The following VPS45 variants were observed in gnomAD, a reference collection of about 807,000 sequenced individuals.
The protein encoded by VPS45 is vacuolar protein sorting 45 homolog, also known as vacuolar protein sorting-associated protein 45.
A neutral mutation model predicts 75.9 loss-of-function variants in VPS45; 35 were observed. The observed-to-expected ratio is 0.46, with a 90% CI of 0.35 to 0.61. VPS45 has a LOEUF of 0.61. Among genes scored for constraint, VPS45 ranks in the 20% least tolerant of loss-of-function variants. The pLI, the probability that VPS45 is intolerant of heterozygous loss-of-function variation, is 0.00. For missense variants in VPS45, 559 were observed against 685.9 expected (o/e 0.81, Z 2.07); for synonymous variants, 220 against 238.2 (o/e 0.92, Z 0.70).
At position 150,077,402 on chromosome 1, in the gene VPS45, T is replaced by C. The variant is rs74343989; in HGVS notation, c.576+171T>C. Reference sequence around the variant, plus strand: ...TAAAACAAAAAGCAACAATTAGAGCTAAGATTCTTAGGTTTAACCCAAGAA... The same window carrying C: ...TAAAACAAAAAGCAACAATTAGAGCCAAGATTCTTAGGTTTAACCCAAGAA... On this transcript the variant is annotated intron_variant, in intron 6 of 14. Transcript: ENST00000644510. The C allele has an allele frequency of 2.9e-3, 2,652 of 912,722 alleles. 6 individuals are homozygous for C. The highest frequency in any genetic ancestry group is 3.5e-3 in the Non-Finnish European group (2,178 of 623,672). The allele number at this position is 912,722 out of a possible 1,614,324, so 56.5% of individuals were successfully genotyped here.
chr1:150,129,781 G>A (rs1658722972), intron 14 of VPS45, among the ~76,000 whole-genome samples: 1 of 150,962 alleles, frequency 6.6e-6, no homozygotes, highest in Non-Finnish European at 1.5e-5. Context: ...TCAAAGTCCT[G>A]ACCTCAAGTG....
chr1:150,134,667 C>G (rs961791839), intron 14 of VPS45, among the ~76,000 whole-genome samples: 1 of 152,150 alleles, frequency 6.6e-6, no homozygotes, highest in Non-Finnish European at 1.5e-5. Flanking sequence ...AAAATAGTAT[C>G]ATACTTTTTT....
chr1:150,082,122 T>C, intron 9 of VPS45, 125 bp downstream of exon 9: 1 of 633,250 alleles, frequency 1.6e-6, no homozygotes, highest in Non-Finnish European at 2.8e-6. Context: ...TTGAGACTTA[T>C]TTTCTGTAAT....
At chr1:150,077,831 T>C in intron 7 of VPS45, 52 bp downstream of exon 7, 2 of 1,385,388 alleles carry the variant, frequency 1.4e-6, no homozygotes, top group Non-Finnish European at 2.0e-6. Context: ...GTGATATTCA[T>C]CAAAATACAG....
rs1654819956 is a variant in VPS45 at position 150,067,968 on chromosome 1, C to A, written c.93+18C>A. On this transcript the variant is annotated intron_variant, in intron 1 of 14. Transcript: ENST00000644510. ...AAGAGACGGTGAGTTTGCTTTTGCT[C>A]AGCATTTGTGAAGGAACCCTCTCAA... 2 of 1,611,636 alleles carry A rather than the reference C, an allele frequency of 1.2e-6. No individual in the cohort carries two copies. The highest frequency in any genetic ancestry group is 1.7e-6 in the Non-Finnish European group (2 of 1,177,774).
Position 150,067,905 on chromosome 1 carries a change from G to A in VPS45, c.48G>A (p.Glu16=), listed in dbSNP as rs1250860828. Residue 16 remains glutamate (E), a synonymous_variant, in exon 1 of 15, where the codon GAG becomes GAA. Coordinates refer to ENST00000644510, the MANE Select transcript of VPS45 (RefSeq NM_007259.5). ...AGCAGTACATTTCCAAAATGATAGA[G>A]GACAGCGGGCCTGGTATGAAAGTAC... is the stretch of plus-strand genomic sequence containing the variant. ...AVKQYISKMI[E]DSGPGMKVLL... 3.7e-6 allele frequency: 6 copies of A among 1,614,092 alleles called. No individual in the cohort carries two copies. The highest frequency in any genetic ancestry group is 5.1e-6 in the Non-Finnish European group (6 of 1,180,030).
At chr1:150,075,803 G>A (rs1655340811) in intron 3 of VPS45, among the ~76,000 whole-genome samples, 1 of 152,126 alleles carries the variant, frequency 6.6e-6, no homozygotes, top group South Asian at 2.1e-4. Flanking sequence ...AGGCTGGAGT[G>A]CAGTGGCCTG....
chr1:150,106,707 A>G (rs1571873216), intron 13 of VPS45, among the ~76,000 whole-genome samples: 1 of 152,068 alleles, frequency 6.6e-6, no homozygotes, highest in Non-Finnish European at 1.5e-5. Context: ...ACAGGCTATA[A>G]TCATACTCAA....
Position 150,067,794 on chromosome 1 carries a change from TG to T in VPS45, c.-59del. The stretch of plus-strand genomic sequence containing the variant: ...AGCAGCTGAGACCCGGCCAACAGAC[TG>T]GGGGTTAATTTAGCCAGAAAAGGGG... On this transcript the variant is annotated 5_prime_UTR_variant, in exon 1 of 15. Transcript: ENST00000644510. 2 of 1,538,212 alleles carry T rather than the reference TG, an allele frequency of 1.3e-6. No homozygotes were observed. The highest frequency in any genetic ancestry group is 1.8e-6 in the Non-Finnish European group (2 of 1,114,734).
chr1:150,088,485 T>C (rs1656144904), intron 10 of VPS45, among the ~76,000 whole-genome samples: 1 of 141,338 alleles, frequency 7.1e-6, no homozygotes, highest in Non-Finnish European at 1.5e-5. Flanking sequence ...CTTTTTTCTT[T>C]TTTTTTTTTT....
At chr1:150,102,972 A>G (rs1553804846) in intron 13 of VPS45, among the ~76,000 whole-genome samples, 1 of 152,176 alleles carries the variant, frequency 6.6e-6, no homozygotes, top group African/African-American at 2.4e-5. Context: ...GCCGTGACAC[A>G]TGCTTATGTA....
At chr1:150,102,995 A>C (rs1657124289) in intron 13 of VPS45, among the ~76,000 whole-genome samples, 1 of 152,156 alleles carries the variant, frequency 6.6e-6, no homozygotes, top group East Asian at 1.9e-4. Flanking sequence ...AAACCTTCAC[A>C]TGTACCCCCA....
intron 1 of VPS45, 159 bp downstream of exon 1, chr1:150,068,109 G>A: frequency 1.4e-6 from 1 of 700,690 alleles, no homozygotes; most frequent in Non-Finnish European, 2.4e-6. Flanking sequence ...TGCCCGGTGG[G>A]TTTTCAGTCT....
chr1:150,127,136 A>C (rs1405363314), intron 14 of VPS45, among the ~76,000 whole-genome samples: 1 of 152,186 alleles, frequency 6.6e-6, no homozygotes, highest in East Asian at 1.9e-4. Context: ...ATATCTCAGT[A>C]CTTTTTTAAG....
intron 10 of VPS45, among the ~76,000 whole-genome samples, chr1:150,089,714 C>A (rs1656226736): frequency 2.0e-5 from 3 of 152,040 alleles, no homozygotes; most frequent in Non-Finnish European, 4.4e-5. Context: ...GAGATACATA[C>A]ATAATTTGTA....
At chr1:150,076,855 A>C (rs782571167) in intron 4 of VPS45, 61 bp from the exon 5 acceptor site, 20 of 1,589,052 alleles carry the variant, frequency 1.3e-5, no homozygotes, top group Non-Finnish European at 1.7e-5. Context: ...ACTTATGAAA[A>C]TATTACTGCT....
intron 14 of VPS45, among the ~76,000 whole-genome samples, chr1:150,126,735 T>C (rs1189964747): frequency 6.6e-6 from 1 of 151,962 alleles, no homozygotes; most frequent in African/African-American, 2.4e-5. Flanking sequence ...GGAGGCTCAA[T>C]TGGGAGGATC....
intron 13 of VPS45, chr1:150,109,708 G>A (rs1332066963): frequency 6.6e-6 from 1 of 152,140 alleles, no homozygotes; most frequent in Non-Finnish European, 1.5e-5. Context: ...TAAGGAAGGA[G>A]CTAATAGGAA....
chr1:150,110,486 A>C lies in VPS45; in HGVS notation c.1494-10A>C. 2 of 1,604,822 alleles carry C rather than the reference A, an allele frequency of 1.2e-6. No homozygotes were observed. The highest frequency in any genetic ancestry group is 1.7e-6 in the Non-Finnish European group (2 of 1,174,810). ...ATCCTGTGATAATATCTCATTCTTC[A>C]TTATTGCAGACCTCAGGATATCATT... On this transcript the variant is annotated splice_polypyrimidine_tract_variant and intron_variant, in intron 13 of 14. Coordinates refer to ENST00000644510, the MANE Select transcript of VPS45 (RefSeq NM_007259.5).
Sources: gnomAD v4.1 joint callset for allele counts (sites outside exome capture counted in the v4.1 genomes callset) on GRCh38, gnomAD v4.1.1 for gene constraint, MANE v1.5 for transcripts, NCBI Gene and HGNC (gene_info 2026-07-23, HGNC 2026-07-21) for gene names.